Variants in HOXC4 observed in about 807,000 individuals in gnomAD.
The protein encoded by HOXC4 is homeobox protein Hox-C4.
Under a neutral mutation model 25.5 loss-of-function variants are expected in HOXC4, and 15 were observed. The ratio of observed to expected loss-of-function variants is 0.59; its 90% CI spans 0.39 to 0.91. The LOEUF (loss-of-function observed/expected upper bound fraction) is 0.91. Among genes scored for constraint, HOXC4 ranks in the 40% least tolerant of loss-of-function variants. The pLI, the probability that HOXC4 is intolerant of heterozygous loss-of-function variation, is 0.00. For synonymous variants in HOXC4, 165 were observed against 148.0 expected (o/e 1.11, Z -0.83); for missense variants, 342 against 352.4 (o/e 0.97, Z 0.24).
intron 1 of HOXC4, among the ~76,000 whole-genome samples, chr12:54,031,217 G>A (rs967655596): frequency 2.6e-5 from 4 of 152,208 alleles, no homozygotes; most frequent in Non-Finnish European, 4.4e-5. Flanking sequence ...AGGCACCAGG[G>A]TCTCCTCCAC....
intron 1 of HOXC4, among the ~76,000 whole-genome samples, chr12:54,025,832 C>A (rs1045521051): frequency 6.6e-6 from 1 of 152,126 alleles, no homozygotes; most frequent in Non-Finnish European, 1.5e-5. Context: ...GGGCCCCTTT[C>A]CTCTCCAGAC....
chr12:54,025,316 G>A (rs1478003924), intron 1 of HOXC4, among the ~76,000 whole-genome samples: 1 of 152,070 alleles, frequency 6.6e-6, no homozygotes, highest in African/African-American at 2.4e-5. Flanking sequence ...CTAAGTCCCA[G>A]CTTTCCCCCT....
At chr12:54,026,966 G>GC (rs1285162214) in intron 1 of HOXC4, among the ~76,000 whole-genome samples, 3 of 61,238 alleles carry the variant, frequency 4.9e-5, no homozygotes, top group Admixed American at 1.5e-4. Flanking sequence ...AAAAATGGTG[G>GC]GGGGGGGGGG....
chr12:54,025,067 G>A (rs1468136428), intron 1 of HOXC4, among the ~76,000 whole-genome samples: 1 of 152,186 alleles, frequency 6.6e-6, no homozygotes, highest in Non-Finnish European at 1.5e-5. Context: ...TAAGGGGCCA[G>A]AGCAGTAGCA....
Position 54,017,974 on chromosome 12 carries a change from C to A in HOXC4, c.-124+560C>A, listed in dbSNP as rs1257629538. ...GCGCAGTGTGGGCCCAGGGCCGGGC[C>A]GCCGAGCAGGAAGCCGGCGCAGCTA... On this transcript the variant is annotated intron_variant, in intron 1 of 3. Transcript: ENST00000303406. 2.6e-5 allele frequency among the ~76,000 whole-genome samples: 4 copies of A among 152,322 alleles called. 1 individual carries two copies. Among genetic ancestry groups the A allele is most frequent in the African/African-American group, 7.2e-5 (3 of 41,572 alleles).
At chr12:54,052,722 G>A (rs1937877714), upstream of HOXC4, among the ~76,000 whole-genome samples, 1 of 152,162 alleles carries the variant, frequency 6.6e-6, no homozygotes, top group Non-Finnish European at 1.5e-5. Flanking sequence ...AAGGCTGGCC[G>A]TGCCTCCCCA....
At chr12:54,030,764 T>C (rs552604552) in intron 1 of HOXC4, 1 of 152,714 alleles carries the variant, frequency 6.5e-6, no homozygotes, top group East Asian at 1.9e-4. Context: ...CCTGTATAAA[T>C]CCAACCTCTG....
At chr12:54,034,082 G>C (rs1369995963) in intron 1 of HOXC4, 1 of 715,770 alleles carries the variant, frequency 1.4e-6, no homozygotes, top group South Asian at 1.5e-5. Context: ...GGCTGCGGTG[G>C]AAAGTTTCCT....
chr12:54,044,088 A>C (rs1282311869), intron 1 of HOXC4, among the ~76,000 whole-genome samples: 3 of 152,000 alleles, frequency 2.0e-5, no homozygotes, highest in Non-Finnish European at 4.4e-5. Flanking sequence ...GGGAGTAAAG[A>C]CAGGGTCATA....
intron 1 of HOXC4, among the ~76,000 whole-genome samples, chr12:54,045,369 G>C (rs1443105740): frequency 6.6e-6 from 1 of 152,184 alleles, no homozygotes; most frequent in African/African-American, 2.4e-5. Flanking sequence ...TTTCTATAGT[G>C]GTTGGATGTA....
chr12:54,020,615 G>A (rs566181924), intron 1 of HOXC4: 71 of 152,256 alleles, frequency 4.7e-4, no homozygotes, highest in African/African-American at 1.7e-3. Flanking sequence ...TTCCTTGGTG[G>A]TTAATTGTAT....
chr12:54,042,273 C>A (rs989292659), intron 1 of HOXC4, among the ~76,000 whole-genome samples: 3 of 152,180 alleles, frequency 2.0e-5, no homozygotes, highest in African/African-American at 7.2e-5. Context: ...CCACCGTGGC[C>A]AGCCCCATTT....
chr12:54,034,759 C>T (rs1163578384), intron 1 of HOXC4: 1 of 462,102 alleles, frequency 2.2e-6, no homozygotes, highest in Non-Finnish European at 4.0e-6. Flanking sequence ...AGGACTTCCC[C>T]GGAGGGCTGC....
At chr12:54,019,561 C>T (rs1940335317) in intron 1 of HOXC4, among the ~76,000 whole-genome samples, 2 of 152,140 alleles carry the variant, frequency 1.3e-5, no homozygotes, top group Admixed American at 6.5e-5. Flanking sequence ...TGTGGATGGC[C>T]GCTGATGGGG....
At chr12:54,052,571 G>GGGT (rs1555187286), upstream of HOXC4, among the ~76,000 whole-genome samples, 13 of 116,866 alleles carry the variant, frequency 1.1e-4, no homozygotes, top group African/African-American at 3.7e-4. Context: ...CCCCTAGCTG[G>GGGT]GGGGGGGGGG....
At chr12:54,051,301 C>T (rs780113802), upstream of HOXC4, among the ~76,000 whole-genome samples, 2 of 152,036 alleles carry the variant, frequency 1.3e-5, no homozygotes, top group Non-Finnish European at 2.9e-5. Context: ...GTTTGCTGAG[C>T]TTTGGACTTC....
upstream of HOXC4, among the ~76,000 whole-genome samples, chr12:54,051,031 C>CG (rs374749018): frequency 1.3e-4 from 19 of 151,986 alleles, no homozygotes; most frequent in African/African-American, 4.3e-4. Flanking sequence ...AGAAACCTGG[C>CG]GGGGGTGGGA....
intron 1 of HOXC4, among the ~76,000 whole-genome samples, chr12:54,024,931 T>C (rs1262864178): frequency 6.6e-6 from 1 of 152,218 alleles, no homozygotes. Flanking sequence ...CAAGTGGCAA[T>C]TTTTCCCTTG....
chr12:54,051,483 C>G (rs1937845182), upstream of HOXC4, among the ~76,000 whole-genome samples: 1 of 152,338 alleles, frequency 6.6e-6, no homozygotes, highest in South Asian at 2.1e-4. Flanking sequence ...CCTCCGCCCC[C>G]TCACTCACAG....
Sources: allele counts gnomAD v4.1 joint callset (sites outside exome capture counted in the v4.1 genomes callset), GRCh38; gene constraint gnomAD v4.1.1; transcripts MANE v1.5; gene names NCBI Gene and HGNC (gene_info 2026-07-23, HGNC 2026-07-21).